HACD4: variants seen among roughly 807,000 people sequenced by gnomAD.
HACD4 encodes very-long-chain (3R)-3-hydroxyacyl-CoA dehydratase 4.
Under a neutral mutation model 33.3 loss-of-function variants are expected in HACD4, and 35 were observed. The observed-to-expected ratio is 1.05, with a 90% CI of 0.80 to 1.39. HACD4 has a LOEUF of 1.39. HACD4 is among the 40% of genes most tolerant of loss of function. The probability of loss-of-function intolerance (pLI) is 0.00; values close to 1 mark genes in which losing one functional copy is unlikely to be tolerated. For missense variants in HACD4, 323 were observed against 276.5 expected (o/e 1.17, Z -1.19); for synonymous variants, 118 against 98.0 (o/e 1.20, Z -1.21).
At chr9:21,015,767 C>A in intron 4 of HACD4, 131 bp downstream of exon 4, 1 of 548,486 alleles carries the variant, frequency 1.8e-6, no homozygotes. Context: ...ATTTCCATAT[C>A]AAGATAAAAT....
At chr9:21,019,074 T>G (rs752024681) in intron 3 of HACD4, among the ~76,000 whole-genome samples, 1 of 152,152 alleles carries the variant, frequency 6.6e-6, no homozygotes, top group African/African-American at 2.4e-5. Flanking sequence ...ATTCAAAAAC[T>G]ACCAATTACA....
chr9:21,030,334 C>G (rs1818177727), intron 1 of HACD4, among the ~76,000 whole-genome samples: 1 of 150,858 alleles, frequency 6.6e-6, no homozygotes, highest in Non-Finnish European at 1.5e-5. Context: ...CCTAGCTGCT[C>G]AGGAGGCTGA....
At chr9:21,013,559 T>C (rs920680411) in intron 4 of HACD4, among the ~76,000 whole-genome samples, 1 of 152,208 alleles carries the variant, frequency 6.6e-6, no homozygotes, top group South Asian at 2.1e-4. Flanking sequence ...TGGGTTCTAA[T>C]AGGGATTGCA....
intron 5 of HACD4, among the ~76,000 whole-genome samples, chr9:21,008,576 C>T (rs943961897): frequency 1.7e-4 from 26 of 152,194 alleles, no homozygotes; most frequent in Admixed American, 3.3e-4. Context: ...AAAAATACCA[C>T]CTAGCCTTTC....
chr9:21,019,966 CTTTGGGAATT>C (rs1487703174), intron 3 of HACD4, among the ~76,000 whole-genome samples: 2 of 151,916 alleles, frequency 1.3e-5, no homozygotes, highest in Non-Finnish European at 2.9e-5. Context: ...AAAGGAATTC[CTTTGGGAATT>C]CCTTCATATT....
intron 4 of HACD4, among the ~76,000 whole-genome samples, chr9:21,012,611 G>A (rs936951609): frequency 6.6e-6 from 1 of 152,184 alleles, no homozygotes; most frequent in Admixed American, 6.5e-5. Flanking sequence ...GCATATCTAT[G>A]TGCATATTTA....
At chr9:21,020,577 C>G (rs1817882971) in intron 3 of HACD4, among the ~76,000 whole-genome samples, 1 of 152,124 alleles carries the variant, frequency 6.6e-6, no homozygotes, top group African/African-American at 2.4e-5. Context: ...TTTTCCAATT[C>G]AACATTTTTT....
chr9:21,008,153 A>G lies in HACD4; in HGVS notation c.491-7T>C. 6.2e-7 allele frequency: 1 copy of G among 1,603,992 alleles called. No homozygotes were observed. Among genetic ancestry groups the G allele is most frequent in the Non-Finnish European group, 8.5e-7 (1 of 1,175,868 alleles). ...GATTGATAGATGGCAAATGCTGTTA[A>G]AAAAGAAAGGCATCATAAAGGTATT... On this transcript the variant is annotated splice_region_variant and splice_polypyrimidine_tract_variant and intron_variant, in intron 5 of 6. Coordinates refer to ENST00000495827, the MANE Select transcript of HACD4 (RefSeq NM_001010915.5).
intron 1 of HACD4, among the ~76,000 whole-genome samples, chr9:21,030,719 T>C (rs1818189995): frequency 6.6e-6 from 1 of 152,214 alleles, no homozygotes; most frequent in South Asian, 2.1e-4. Context: ...GGGTAGATAG[T>C]TTCCTTCATC....
intron 3 of HACD4, among the ~76,000 whole-genome samples, chr9:21,025,642 C>T (rs2132798777): frequency 6.6e-6 from 1 of 152,258 alleles, no homozygotes. Context: ...ATAAAATTTA[C>T]AGAAAATCTT....
chr9:21,014,473 T>A (rs544542991), intron 4 of HACD4, among the ~76,000 whole-genome samples: 3 of 152,316 alleles, frequency 2.0e-5, no homozygotes, highest in African/African-American at 7.2e-5. Flanking sequence ...AGAGGCCACA[T>A]ATTGGATGAC....
intron 3 of HACD4, among the ~76,000 whole-genome samples, chr9:21,024,035 T>C (rs755853587): frequency 5.9e-5 from 9 of 152,240 alleles, no homozygotes; most frequent in Non-Finnish European, 1.3e-4. Context: ...CTGAAAGTTT[T>C]GTTTCATTAT....
intron 4 of HACD4, among the ~76,000 whole-genome samples, chr9:21,013,701 T>C (rs1842491666): frequency 6.6e-6 from 1 of 152,228 alleles, no homozygotes; most frequent in African/African-American, 2.4e-5. Context: ...AATGTATAAA[T>C]TCTGTGCATC....
rs1360127410 is a variant in HACD4 at position 21,002,756 on chromosome 9, GA to G, written c.*4280del. 1 of 152,082 alleles carries G rather than the reference GA, an allele frequency of 6.6e-6. No individual in the cohort carries two copies. Among genetic ancestry groups the G allele is most frequent in the Non-Finnish European group, 1.5e-5 (1 of 67,980 alleles). The allele number at this position is 152,082 out of a possible 1,614,324, so 9.4% of individuals were successfully genotyped here. A position where few individuals can be genotyped will look rare whatever the true frequency, so the allele number is the denominator to read the frequency against. On this transcript the variant is annotated 3_prime_UTR_variant, in exon 7 of 7. Coordinates refer to ENST00000495827, the MANE Select transcript of HACD4 (RefSeq NM_001010915.5). ...AAAATTACTGAAAAAAGTTGTCTTA[GA>G]TATGTTTTCAAAATATCTAATGGTT...
At chr9:21,014,192 A>C (rs1842503943) in intron 4 of HACD4, among the ~76,000 whole-genome samples, 1 of 152,186 alleles carries the variant, frequency 6.6e-6, no homozygotes, top group African/African-American at 2.4e-5. Context: ...AAAGTTTCTA[A>C]AAGTTAGGTG....
intron 1 of HACD4, 23 bp downstream of exon 1, chr9:21,031,530 C>G (rs1472582841): frequency 2.7e-6 from 4 of 1,460,426 alleles, no homozygotes; most frequent in Admixed American, 2.5e-5. Flanking sequence ...CCCCTCCCCT[C>G]GGGATTCGGC....
At chr9:21,010,594 T>G (rs1209087693) in intron 5 of HACD4, among the ~76,000 whole-genome samples, 1 of 152,168 alleles carries the variant, frequency 6.6e-6, no homozygotes, top group African/African-American at 2.4e-5. Context: ...TTACTGGTTT[T>G]GTGGAAGACA....
intron 3 of HACD4, chr9:21,017,907 T>A (rs1817803928): frequency 6.6e-6 from 1 of 151,932 alleles, no homozygotes; most frequent in South Asian, 2.1e-4. Context: ...GAGGGGAAAA[T>A]CTCCTAAAAG....
Position 21,006,525 on chromosome 9 carries a change from C to A in HACD4, c.*512G>T, listed in dbSNP as rs185922196. 1 of 165,238 alleles carries A rather than the reference C, an allele frequency of 6.1e-6. No homozygotes were observed. Among genetic ancestry groups the A allele is most frequent in the Admixed American group, 6.4e-5 (1 of 15,642 alleles). The allele number at this position is 165,238 out of a possible 1,614,324, so 10.2% of individuals were successfully genotyped here. On this transcript the variant is annotated 3_prime_UTR_variant, in exon 7 of 7. Coordinates refer to ENST00000495827, the MANE Select transcript of HACD4 (RefSeq NM_001010915.5). The surrounding 1 kb of genome is among the most constrained non-coding windows in gnomAD (Gnocchi z 4.6). ...TTGGAAAGATATTTAATTTTCTAAACATATCTAATGTTTAGGGTGAGTATT... is the reference window on the plus strand; with the variant it reads ...TTGGAAAGATATTTAATTTTCTAAAAATATCTAATGTTTAGGGTGAGTATT...
Sources: gnomAD v4.1 joint callset for allele counts (sites outside exome capture counted in the v4.1 genomes callset) on GRCh38, gnomAD v4.1.1 for gene constraint, Gnocchi (gnomAD v3.1) non-coding constraint, MANE v1.5 for transcripts, NCBI Gene and HGNC (gene_info 2026-07-23, HGNC 2026-07-21) for gene names.